The following TUSC3 variants were observed in gnomAD, a reference collection of about 807,000 sequenced individuals.
TUSC3 encodes the protein tumor suppressor candidate 3.
Under a neutral mutation model 44.8 loss-of-function variants are expected in TUSC3, and 45 were observed. The ratio of observed to expected loss-of-function variants is 1.00; its 90% CI spans 0.79 to 1.29. The LOEUF is 1.29. Among genes scored for constraint, TUSC3 ranks in the 50% most tolerant of loss-of-function variants. The probability of loss-of-function intolerance (pLI) is 0.00; values close to 1 mark genes in which losing one functional copy is unlikely to be tolerated. For synonymous variants in TUSC3, 212 were observed against 152.9 expected, an observed-to-expected ratio of 1.39 and a Z score of -2.85; for missense variants, 519 against 437.9, an observed-to-expected ratio of 1.19 and a Z score of -1.65.
the TUSC3 span, among the ~76,000 whole-genome samples, chr8:15,780,644 G>C: frequency 6.6e-6 from 1 of 152,170 alleles, no homozygotes; most frequent in South Asian, 2.1e-4. Context: ...ACTAGCCTTA[G>C]ACTTCCAGCA....
chr8:15,525,066 A>G (rs941348086), intron 2 of TUSC3, among the ~76,000 whole-genome samples: 2 of 152,238 alleles, frequency 1.3e-5, no homozygotes, highest in Admixed American at 6.5e-5. Flanking sequence ...TAAAAGGGAA[A>G]GTATGTATAC....
At chr8:15,782,049 C>T in the TUSC3 span, among the ~76,000 whole-genome samples, 25 of 152,284 alleles carry the variant, frequency 1.6e-4, no homozygotes, top group Admixed American at 8.5e-4. Flanking sequence ...GCAGGATAAT[C>T]GCTTGAACTC....
chr8:15,420,713 AG>A (rs1799728578), intron 1 of TUSC3, among the ~76,000 whole-genome samples: 1 of 152,002 alleles, frequency 6.6e-6, no homozygotes, highest in South Asian at 2.1e-4. Flanking sequence ...ACCTCTCTGG[AG>A]GTTACCAGCA....
At chr8:15,546,920 T>C (rs1026904462) in intron 1 of TUSC3, among the ~76,000 whole-genome samples, 1 of 151,704 alleles carries the variant, frequency 6.6e-6, no homozygotes, top group Non-Finnish European at 1.5e-5. Flanking sequence ...TCTATTTCTT[T>C]TTAATGTTGG....
At chr8:15,790,393 C>T in the TUSC3 span, among the ~76,000 whole-genome samples, 3 of 151,884 alleles carry the variant, frequency 2.0e-5, no homozygotes, top group Non-Finnish European at 2.9e-5. Context: ...CCATGTTGGC[C>T]GGGATGGTCT....
At chr8:15,471,193 C>T (rs914413007) in intron 1 of TUSC3, among the ~76,000 whole-genome samples, 6 of 152,098 alleles carry the variant, frequency 3.9e-5, no homozygotes, top group African/African-American at 9.7e-5. Context: ...GGTAAATCAT[C>T]GTCTTACTTC....
chr8:15,577,806 T>C (rs1299726184), intron 1 of TUSC3, among the ~76,000 whole-genome samples: 3 of 147,508 alleles, frequency 2.0e-5, no homozygotes, highest in African/African-American at 5.1e-5. Context: ...GGCTCTTTTT[T>C]GGTTCCATAT....
intron 6 of TUSC3, among the ~76,000 whole-genome samples, chr8:15,708,365 T>A (rs2129198473): frequency 6.6e-6 from 1 of 152,096 alleles, no homozygotes; most frequent in Admixed American, 6.6e-5. Flanking sequence ...GGCATTTGGG[T>A]ACCAGAAGCC....
At chr8:15,494,867 T>G (rs544092776) in intron 2 of TUSC3, among the ~76,000 whole-genome samples, 1 of 152,198 alleles carries the variant, frequency 6.6e-6, no homozygotes, top group South Asian at 2.1e-4. Flanking sequence ...TTGATAGGAA[T>G]GATAAAGAGC....
intron 6 of TUSC3, among the ~76,000 whole-genome samples, chr8:15,685,001 G>A (rs1808571288): frequency 6.6e-6 from 1 of 152,296 alleles, no homozygotes; most frequent in Non-Finnish European, 1.5e-5. Context: ...TGGTGGCCCT[G>A]CTCTCTTGCA....
At chr8:15,429,066 A>T (rs949504368) in intron 1 of TUSC3, among the ~76,000 whole-genome samples, 1 of 152,116 alleles carries the variant, frequency 6.6e-6, no homozygotes, top group African/African-American at 2.4e-5. Flanking sequence ...CTGAATGGTA[A>T]TGCCTAGGTT....
intron 1 of TUSC3, among the ~76,000 whole-genome samples, chr8:15,600,893 C>T (rs532550932): frequency 2.6e-5 from 4 of 151,574 alleles, no homozygotes; most frequent in Non-Finnish European, 1.5e-5. Flanking sequence ...AATGGTGAAC[C>T]CAAATTGCAT....
intron 5 of TUSC3, among the ~76,000 whole-genome samples, chr8:15,667,350 C>A (rs1297337935): frequency 1.3e-5 from 2 of 151,446 alleles, no homozygotes; most frequent in Non-Finnish European, 3.0e-5. Context: ...TTCTGTATAA[C>A]ACTGAAACCA....
At chr8:15,421,497 T>C (rs192056700) in intron 1 of TUSC3, among the ~76,000 whole-genome samples, 1 of 152,310 alleles carries the variant, frequency 6.6e-6, no homozygotes, top group Non-Finnish European at 1.5e-5. Flanking sequence ...CTAAACTGCA[T>C]TCCTAGTCTA....
chr8:15,570,474 A>C (rs762502283), intron 1 of TUSC3, among the ~76,000 whole-genome samples: 7 of 152,136 alleles, frequency 4.6e-5, no homozygotes, highest in Non-Finnish European at 8.8e-5. Context: ...CCCTGTGTGA[A>C]TCAAAAGAGC....
At chr8:15,512,196 C>G (rs1801146418) in intron 2 of TUSC3, among the ~76,000 whole-genome samples, 1 of 152,166 alleles carries the variant, frequency 6.6e-6, no homozygotes, top group African/African-American at 2.4e-5. Context: ...GAGCGATACT[C>G]TAGATATTTC....
intron 1 of TUSC3, among the ~76,000 whole-genome samples, chr8:15,563,753 G>T (rs1802567444): frequency 6.7e-6 from 1 of 149,436 alleles, no homozygotes; most frequent in African/African-American, 2.5e-5. Context: ...CCTCAGAGTA[G>T]TTTTAAAGCT....
chr8:15,552,853 G>T (rs1258077576), intron 1 of TUSC3, among the ~76,000 whole-genome samples: 3 of 151,702 alleles, frequency 2.0e-5, no homozygotes, highest in Admixed American at 2.0e-4. Context: ...CTTAGGTGGG[G>T]ATGCAAGACT....
the TUSC3 span, among the ~76,000 whole-genome samples, chr8:15,840,303 C>A: frequency 6.6e-6 from 1 of 152,026 alleles, no homozygotes; most frequent in Admixed American, 6.6e-5. Flanking sequence ...GTGCAGCACA[C>A]CAACATGGCA....
Sources: gnomAD v4.1 joint callset for allele counts (sites outside exome capture counted in the v4.1 genomes callset) on GRCh38, gnomAD v4.1.1 for gene constraint, MANE v1.5 for transcripts, NCBI Gene and HGNC (gene_info 2026-07-23, HGNC 2026-07-21) for gene names.